Variants in MAGI2 observed in about 807,000 individuals in gnomAD.
MAGI2 encodes membrane associated guanylate kinase, WW and PDZ domain containing 2.
In MAGI2, 35 loss-of-function variants were observed where a neutral mutation model predicts 133.3. The observed-to-expected ratio is 0.26, with a 90% CI of 0.20 to 0.35. The LOEUF is 0.35. MAGI2 is among the 10% of genes least tolerant of loss of function. The pLI is 1.00. For synonymous variants in MAGI2, 729 were observed against 710.6 expected, an observed-to-expected ratio of 1.03 and a Z score of -0.41; for missense variants, 1,636 against 1,863.4, an observed-to-expected ratio of 0.88 and a Z score of 2.25.
intron 21 of MAGI2, among the ~76,000 whole-genome samples, chr7:78,044,496 A>C (rs1811187899): frequency 6.6e-6 from 1 of 152,198 alleles, no homozygotes; most frequent in African/African-American, 2.4e-5. Context: ...GTGGAGTTTT[A>C]GTATAGCTTT....
intron 20 of MAGI2, 66 bp from the exon 21 acceptor site, chr7:78,079,151 T>A: frequency 1.4e-6 from 2 of 1,478,330 alleles, no homozygotes; most frequent in South Asian, 2.4e-5. Flanking sequence ...GTCAACAGAT[T>A]AAAAAAAAAG....
At chr7:79,171,770 A>ATATATATATATATATATTTTTTTTTTT in intron 1 of MAGI2, among the ~76,000 whole-genome samples, 1 of 31,218 alleles carries the variant, frequency 3.2e-5, no homozygotes, top group Non-Finnish European at 1.1e-4. Flanking sequence ...ATATATATAT[A>ATATATATATATATATATTTTTTTTTTT]TTTTTTTTTT....
At chr7:79,267,700 C>A (rs1834577955) in intron 1 of MAGI2, among the ~76,000 whole-genome samples, 1 of 151,986 alleles carries the variant, frequency 6.6e-6, no homozygotes, top group African/African-American at 2.4e-5. Context: ...AATAAACTGA[C>A]AATAGACAGA....
intron 2 of MAGI2, among the ~76,000 whole-genome samples, chr7:78,740,490 C>T (rs763685409): frequency 1.3e-5 from 2 of 152,174 alleles, no homozygotes; most frequent in African/African-American, 4.8e-5. Context: ...TATCTTCCTT[C>T]GTATACAGAA....
intron 2 of MAGI2, among the ~76,000 whole-genome samples, chr7:78,958,472 A>C (rs952304451): frequency 1.3e-5 from 2 of 152,168 alleles, no homozygotes; most frequent in Non-Finnish European, 1.5e-5. Flanking sequence ...GTTTGTTATG[A>C]GTAATTTCTT....
At chr7:79,327,724 A>T (rs1287850984) in intron 1 of MAGI2, among the ~76,000 whole-genome samples, 2 of 151,976 alleles carry the variant, frequency 1.3e-5, no homozygotes, top group African/African-American at 4.8e-5. Context: ...CCTTTTTGTC[A>T]TATAATAAAC....
chr7:78,856,772 T>C (rs1401128967), intron 2 of MAGI2, among the ~76,000 whole-genome samples: 1 of 152,212 alleles, frequency 6.6e-6, no homozygotes, highest in Non-Finnish European at 1.5e-5. Flanking sequence ...AAAGTAGTTT[T>C]TTCCAATTCT....
intron 11 of MAGI2, among the ~76,000 whole-genome samples, chr7:78,195,297 A>G (rs953527272): frequency 6.6e-6 from 1 of 152,228 alleles, no homozygotes; most frequent in African/African-American, 2.4e-5. Flanking sequence ...TATAACTTAC[A>G]TAACCTTGTC....
intron 10 of MAGI2, chr7:78,255,670 G>T: frequency 1.7e-6 from 1 of 572,604 alleles, no homozygotes; most frequent in Non-Finnish European, 3.0e-6. Context: ...TTCATAGTTG[G>T]GGATTTAATC....
At chr7:78,067,376 C>T (rs140114331) in intron 21 of MAGI2, among the ~76,000 whole-genome samples, 54 of 152,230 alleles carry the variant, frequency 3.5e-4, no homozygotes, top group African/African-American at 1.2e-3. Context: ...GGAGTAGAAA[C>T]TGCAGTGAAA....
intron 1 of MAGI2, chr7:79,125,750 G>A: frequency 1.9e-6 from 1 of 521,996 alleles, no homozygotes; most frequent in South Asian, 1.4e-5. Flanking sequence ...ACTTTGCCAA[G>A]CCACAAAATC....
At chr7:78,156,647 C>G (rs552350450) in intron 16 of MAGI2, among the ~76,000 whole-genome samples, 5 of 152,128 alleles carry the variant, frequency 3.3e-5, no homozygotes, top group African/African-American at 9.6e-5. Context: ...GTAACTTCCT[C>G]AAGGTCACAT....
intron 3 of MAGI2, among the ~76,000 whole-genome samples, chr7:78,536,559 G>A (rs1370059528): frequency 6.6e-6 from 1 of 152,108 alleles, no homozygotes; most frequent in Non-Finnish European, 1.5e-5. Context: ...GGTTCCAAAG[G>A]AGAAAAACAG....
At chr7:78,544,061 A>G (rs377295721) in intron 3 of MAGI2, among the ~76,000 whole-genome samples, 20 of 152,220 alleles carry the variant, frequency 1.3e-4, no homozygotes, top group East Asian at 3.9e-4. Flanking sequence ...GGCTGGAGGT[A>G]GTGTGCTGAA....
At chr7:78,643,111 C>T (rs1296837331) in intron 2 of MAGI2, among the ~76,000 whole-genome samples, 1 of 152,182 alleles carries the variant, frequency 6.6e-6, no homozygotes, top group Non-Finnish European at 1.5e-5. Flanking sequence ...ACCAAAATAA[C>T]ACAAGTACCT....
chr7:78,744,653 A>G (rs928219449), intron 2 of MAGI2, among the ~76,000 whole-genome samples: 8 of 152,214 alleles, frequency 5.3e-5, no homozygotes, highest in Non-Finnish European at 1.0e-4. Flanking sequence ...TCTTCTACTT[A>G]TAGATTTGTG....
At chr7:78,078,569 A>G (rs1393506298) in intron 21 of MAGI2, 3 of 311,350 alleles carry the variant, frequency 9.6e-6, no homozygotes, top group African/African-American at 4.3e-5. Context: ...AAACAATGTT[A>G]GGAAATAATT....
chr7:79,035,789 T>C (rs1042468018), intron 1 of MAGI2, among the ~76,000 whole-genome samples: 1 of 152,206 alleles, frequency 6.6e-6, no homozygotes, highest in Non-Finnish European at 1.5e-5. Flanking sequence ...GAGCACTTTG[T>C]TACTTTTCCA....
At chr7:78,814,184 A>G (rs545206080) in intron 2 of MAGI2, among the ~76,000 whole-genome samples, 4 of 152,104 alleles carry the variant, frequency 2.6e-5, no homozygotes, top group African/African-American at 9.6e-5. Flanking sequence ...GTGGAAAGGC[A>G]CTCCCATGAT....
Sources: gnomAD v4.1 joint callset for allele counts (sites outside exome capture counted in the v4.1 genomes callset) on GRCh38, gnomAD v4.1.1 for gene constraint, MANE v1.5 for transcripts, NCBI Gene and HGNC (gene_info 2026-07-23, HGNC 2026-07-21) for gene names.